PTPN2: variants seen among roughly 807,000 people sequenced by gnomAD.
PTPN2 encodes protein tyrosine phosphatase non-receptor type 2.
In PTPN2, 19 loss-of-function variants were observed where a neutral mutation model predicts 57.3. The ratio of observed to expected loss-of-function variants is 0.33; its 90% CI spans 0.23 to 0.49. The LOEUF is 0.49. Ranked by LOEUF, PTPN2 falls within the 20% of genes least tolerant of loss-of-function variation. PTPN2 has a pLI of 0.99. For missense variants in PTPN2, 358 were observed against 501.1 expected, an observed-to-expected ratio of 0.71 and a Z score of 2.73; for synonymous variants, 153 against 164.9, an observed-to-expected ratio of 0.93 and a Z score of 0.55.
Position 12,820,673 on chromosome 18 carries a change from C to T in PTPN2, c.496-3308G>A, listed in dbSNP as rs2042240628. ...TCCTCTGGTCCCCAGCTGCTGCCCT[C>T]CACCCTTCTCGCTGCTTCACCCCCC... On this transcript the variant is annotated intron_variant, in intron 5 of 8. Transcript: ENST00000309660. Among the ~76,000 whole-genome samples the T allele has an allele frequency of 2.0e-5, 3 of 152,142 alleles. No individual in the cohort carries two copies. The South Asian group carries it at 6.2e-4, about 32-fold the overall frequency.
At chr18:12,787,776 G>A (rs1382779571), downstream of PTPN2, 1 of 152,210 alleles carries the variant, frequency 6.6e-6, no homozygotes, top group African/African-American at 2.4e-5. Context: ...TATTTAAAAA[G>A]GCAAAGGCAG....
At chr18:12,843,833 C>A (rs1200373295) in intron 2 of PTPN2, 1 of 152,374 alleles carries the variant, frequency 6.6e-6, no homozygotes, top group African/African-American at 2.4e-5. Flanking sequence ...GTTCTACAGG[C>A]ACTCATTTGT....
intron 1 of PTPN2, among the ~76,000 whole-genome samples, chr18:12,875,686 A>G (rs1312615120): frequency 2.0e-5 from 3 of 152,372 alleles, no homozygotes; most frequent in Non-Finnish European, 2.9e-5. Context: ...AAGAAAGTGA[A>G]GAGCACACTA....
chr18:12,856,624 C>T (rs2043598179), intron 2 of PTPN2, among the ~76,000 whole-genome samples: 1 of 152,102 alleles, frequency 6.6e-6, no homozygotes, highest in Admixed American at 6.6e-5. Context: ...AAAGAGTCTC[C>T]CTGCAGCCTT....
intron 2 of PTPN2, among the ~76,000 whole-genome samples, chr18:12,851,985 T>C (rs1300950162): frequency 6.6e-6 from 1 of 151,998 alleles, no homozygotes; most frequent in Non-Finnish European, 1.5e-5. Flanking sequence ...ATATTTAGTG[T>C]CTAAAGTAAT....
chr18:12,829,154 C>T (rs537310420), intron 4 of PTPN2, among the ~76,000 whole-genome samples: 1 of 152,208 alleles, frequency 6.6e-6, no homozygotes, highest in African/African-American at 2.4e-5. Flanking sequence ...CAACTCAGCT[C>T]CCCAAAGTGC....
chr18:12,868,246 TTTTTTG>T (rs900949191), intron 1 of PTPN2, among the ~76,000 whole-genome samples: 1 of 151,646 alleles, frequency 6.6e-6, no homozygotes, highest in African/African-American at 2.4e-5. Context: ...TTGTTTTTTG[TTTTTTG>T]TTTTTTTTTG....
At chr18:12,838,767 CT>C (rs144220743) in intron 2 of PTPN2, among the ~76,000 whole-genome samples, 48,871 of 151,986 alleles carry the variant, frequency 0.32, 9,029 homozygotes, top group Admixed American at 0.41. Flanking sequence ...CTATTTAGAA[CT>C]GACTACAAAT....
chr18:12,819,402 C>G (rs1030829838), intron 5 of PTPN2: 2 of 426,994 alleles, frequency 4.7e-6, no homozygotes, highest in African/African-American at 2.1e-5. Context: ...AGGCTATATA[C>G]TATACTATTC....
At chr18:12,880,760 T>C (rs1471813158) in intron 1 of PTPN2, 2 of 152,268 alleles carry the variant, frequency 1.3e-5, no homozygotes, top group East Asian at 3.8e-4. Flanking sequence ...GCCTTTGATA[T>C]TTCCAAACGC....
At position 12,814,357 on chromosome 18, in the gene PTPN2, TG is replaced by T; in HGVS notation, c.706-3del. On this transcript the variant is annotated splice_polypyrimidine_tract_variant and splice_region_variant and intron_variant, in intron 6 of 8. Transcript: ENST00000309660. Reference sequence around the variant, plus strand: ...GTTAATATCATCTCCTTTTTCCATCTGCAAGAAAGGCAAAAAATGAGACAAG... The same window carrying T: ...GTTAATATCATCTCCTTTTTCCATCTCAAGAAAGGCAAAAAATGAGACAAG... 1 of 1,578,886 alleles carries T rather than the reference TG, an allele frequency of 6.3e-7. No homozygotes were observed. Among genetic ancestry groups the T allele is most frequent in the Non-Finnish European group, 8.6e-7 (1 of 1,166,124 alleles).
At chr18:12,827,742 GA>G (rs2042528582) in intron 4 of PTPN2, among the ~76,000 whole-genome samples, 1 of 151,820 alleles carries the variant, frequency 6.6e-6, no homozygotes, top group East Asian at 1.9e-4. Flanking sequence ...CAGGATTAAA[GA>G]GAACGTGACA....
chr18:12,872,175 G>C (rs1203205049), intron 1 of PTPN2: 1 of 152,120 alleles, frequency 6.6e-6, no homozygotes, highest in Non-Finnish European at 1.5e-5. Flanking sequence ...TGATGTACCA[G>C]GTCCTTTACT....
chr18:12,798,708 A>T (rs567661779), intron 8 of PTPN2, among the ~76,000 whole-genome samples: 1 of 152,314 alleles, frequency 6.6e-6, no homozygotes, highest in South Asian at 2.1e-4. Context: ...TAGTGCTGCA[A>T]TCAACATACG....
chr18:12,846,730 C>T (rs1021092186), intron 2 of PTPN2, among the ~76,000 whole-genome samples: 7 of 152,310 alleles, frequency 4.6e-5, no homozygotes, highest in Middle Eastern at 3.4e-3. Flanking sequence ...CATCAGCTAT[C>T]GCTGCTCTCA....
chr18:12,801,525 A>G (rs147897911), intron 8 of PTPN2, among the ~76,000 whole-genome samples: 1 of 152,256 alleles, frequency 6.6e-6, no homozygotes, highest in African/African-American at 2.4e-5. Context: ...AATAAAAAAA[A>G]GGGCCTATAT....
intron 4 of PTPN2, among the ~76,000 whole-genome samples, 161 bp from the exon 5 acceptor site, chr18:12,826,105 A>G (rs986315158): frequency 6.6e-6 from 1 of 152,226 alleles, no homozygotes; most frequent in Non-Finnish European, 1.5e-5. Context: ...GTATTTTAGT[A>G]AGATTGAAAT....
intron 1 of PTPN2, among the ~76,000 whole-genome samples, chr18:12,870,271 A>ACG (rs1462212521): frequency 5.4e-5 from 5 of 93,386 alleles, no homozygotes; most frequent in African/African-American, 3.2e-4. Flanking sequence ...ATATATATAT[A>ACG]TGTATATATA....
chr18:12,846,910 T>A (rs1274684619), intron 2 of PTPN2, among the ~76,000 whole-genome samples: 1 of 152,220 alleles, frequency 6.6e-6, no homozygotes, highest in Non-Finnish European at 1.5e-5. Context: ...TTTACTCACA[T>A]GCCTTCCACA....
Sources: allele counts gnomAD v4.1 joint callset (sites outside exome capture counted in the v4.1 genomes callset), GRCh38; gene constraint gnomAD v4.1.1; transcripts MANE v1.5; gene names NCBI Gene and HGNC (gene_info 2026-07-23, HGNC 2026-07-21).